Variants in DNM3 observed in about 807,000 individuals in gnomAD.
DNM3 encodes dynamin-3.
DNM3 carries 47 observed loss-of-function variants against 101.6 expected under a neutral mutation model. That is an observed-to-expected ratio of 0.46 (90% CI 0.37 to 0.59). The LOEUF is 0.59. Ranked by LOEUF, DNM3 falls within the 20% of genes least tolerant of loss-of-function variation. DNM3 has a pLI of 0.00. For missense variants in DNM3, 849 were observed against 1,085.7 expected (o/e 0.78, Z 3.06); for synonymous variants, 385 against 387.9 (o/e 0.99, Z 0.09).
chr1:172,148,860 G>T (rs1194632675), intron 14 of DNM3, among the ~76,000 whole-genome samples: 1 of 151,990 alleles, frequency 6.6e-6, no homozygotes, highest in Non-Finnish European at 1.5e-5. Flanking sequence ...TAGATATGTT[G>T]TAGCAGAGCA....
intron 14 of DNM3, among the ~76,000 whole-genome samples, chr1:172,240,392 G>T (rs1303720513): frequency 6.6e-6 from 1 of 152,086 alleles, no homozygotes; most frequent in East Asian, 1.9e-4. Context: ...GACAAATGAT[G>T]GGGGGAAATT....
At chr1:171,867,749 A>C (rs1169275244) in intron 1 of DNM3, among the ~76,000 whole-genome samples, 1 of 152,120 alleles carries the variant, frequency 6.6e-6, no homozygotes, top group Non-Finnish European at 1.5e-5. Context: ...CCATCATCCT[A>C]GTATTTGGTA....
chr1:171,920,311 C>A (rs1331583685), intron 1 of DNM3, among the ~76,000 whole-genome samples: 1 of 152,190 alleles, frequency 6.6e-6, no homozygotes, highest in East Asian at 1.9e-4. Context: ...CTCTGTTCTG[C>A]CAAATTTCCT....
intron 10 of DNM3, among the ~76,000 whole-genome samples, chr1:172,049,782 AAG>A (rs2050077480): frequency 1.3e-5 from 2 of 152,146 alleles, no homozygotes. Flanking sequence ...AGTGGGAAGA[AAG>A]AGAGAGAATG....
intron 20 of DNM3, among the ~76,000 whole-genome samples, chr1:172,398,497 G>A (rs1003444012): frequency 1.5e-4 from 23 of 152,176 alleles, no homozygotes; most frequent in African/African-American, 5.3e-4. Flanking sequence ...GAACAAAACT[G>A]TAAACTTTTT....
chr1:172,365,763 C>A (rs1474847740), intron 17 of DNM3, among the ~76,000 whole-genome samples: 1 of 151,852 alleles, frequency 6.6e-6, no homozygotes, highest in Admixed American at 6.6e-5. Flanking sequence ...ACATAGCAAG[C>A]AAATCTGTGA....
chr1:171,863,227 A>G (rs1261186282), intron 1 of DNM3, among the ~76,000 whole-genome samples: 1 of 152,128 alleles, frequency 6.6e-6, no homozygotes, highest in Non-Finnish European at 1.5e-5. Context: ...GAGGCAGGAC[A>G]TGCTTGAGAA....
At chr1:172,289,247 A>G (rs954173193) in intron 15 of DNM3, among the ~76,000 whole-genome samples, 1 of 152,162 alleles carries the variant, frequency 6.6e-6, no homozygotes, top group Non-Finnish European at 1.5e-5. Context: ...AAAAAGGTAT[A>G]TAAAACTCTC....
chr1:172,215,521 G>A (rs2060661546), intron 14 of DNM3, among the ~76,000 whole-genome samples: 1 of 151,842 alleles, frequency 6.6e-6, no homozygotes, highest in South Asian at 2.1e-4. Flanking sequence ...AAATTAAGGA[G>A]CAATCCAAAG....
intron 14 of DNM3, among the ~76,000 whole-genome samples, chr1:172,241,494 A>G (rs1017638592): frequency 1.7e-4 from 26 of 152,168 alleles, no homozygotes; most frequent in East Asian, 3.9e-4. Context: ...ACTATTTTCA[A>G]TGTTCTTAAT....
At chr1:171,895,463 T>G (rs1374823592) in intron 1 of DNM3, among the ~76,000 whole-genome samples, 1 of 152,230 alleles carries the variant, frequency 6.6e-6, no homozygotes, top group Non-Finnish European at 1.5e-5. Flanking sequence ...TCATATCCTT[T>G]GCCCACTTTT....
chr1:171,942,312 A>G (rs895847392), intron 2 of DNM3, among the ~76,000 whole-genome samples: 6 of 147,716 alleles, frequency 4.1e-5, no homozygotes, highest in South Asian at 2.1e-4. Context: ...AGTTAAGCCT[A>G]TTCCAAGGAA....
At chr1:172,120,969 G>GT (rs962071780) in intron 13 of DNM3, among the ~76,000 whole-genome samples, 5 of 151,820 alleles carry the variant, frequency 3.3e-5, no homozygotes, top group Admixed American at 6.6e-5. Context: ...TTACTAAGGT[G>GT]TTTTTTTTCT....
At chr1:172,135,705 G>C (rs1261071815) in intron 14 of DNM3, among the ~76,000 whole-genome samples, 3 of 151,860 alleles carry the variant, frequency 2.0e-5, no homozygotes, top group Non-Finnish European at 4.4e-5. Flanking sequence ...AAAGTTTTTT[G>C]AAATGGATTT....
rs1398310489 is a variant in DNM3 at position 172,328,145 on chromosome 1, G to T, written c.1893+4805G>T. On this transcript the variant is annotated intron_variant, in intron 17 of 20. Transcript: ENST00000627582. ...ATTATAATACAGGGATTTCTTAAGGGTCATTAGGGCTTGTTTATATATTTT... is the reference window on the plus strand; with the variant it reads ...ATTATAATACAGGGATTTCTTAAGGTTCATTAGGGCTTGTTTATATATTTT... Among the ~76,000 whole-genome samples, 3 of 152,112 alleles carry T rather than the reference G, an allele frequency of 2.0e-5. No homozygotes were observed. In the East Asian group the frequency reaches 5.8e-4, roughly 29 times the overall value.
intron 20 of DNM3, among the ~76,000 whole-genome samples, chr1:172,399,309 T>G (rs1465719800): frequency 1.3e-5 from 2 of 152,164 alleles, no homozygotes; most frequent in African/African-American, 4.8e-5. Flanking sequence ...AAAATTCTGT[T>G]TTTCAAGGCG....
chr1:172,007,654 A>G (rs1412120066), intron 4 of DNM3, among the ~76,000 whole-genome samples: 1 of 152,050 alleles, frequency 6.6e-6, no homozygotes, highest in Non-Finnish European at 1.5e-5. Context: ...AAGTTTTTAT[A>G]TGGCTCTTTT....
intron 1 of DNM3, among the ~76,000 whole-genome samples, chr1:171,912,279 G>A (rs1311788538): frequency 6.6e-6 from 1 of 152,114 alleles, no homozygotes; most frequent in Non-Finnish European, 1.5e-5. Flanking sequence ...GCAGGTGTAT[G>A]TAGAGCACAT....
intron 8 of DNM3, among the ~76,000 whole-genome samples, chr1:172,043,423 C>T (rs1363880615): frequency 6.6e-6 from 1 of 152,120 alleles, no homozygotes; most frequent in Non-Finnish European, 1.5e-5. Context: ...GAGGTGAGTG[C>T]TTATGTCTTC....
Sources: allele counts gnomAD v4.1 joint callset (sites outside exome capture counted in the v4.1 genomes callset), GRCh38; gene constraint gnomAD v4.1.1; transcripts MANE v1.5; gene names NCBI Gene and HGNC (gene_info 2026-07-23, HGNC 2026-07-21).